The following PRKCA variants were observed in gnomAD, a reference collection of about 807,000 sequenced individuals.
PRKCA encodes protein kinase C alpha type.
PRKCA carries 27 observed loss-of-function variants against 87.0 expected under a neutral mutation model. The ratio of observed to expected loss-of-function variants is 0.31; its 90% CI spans 0.23 to 0.43. The LOEUF is 0.43. Ranked by LOEUF, PRKCA falls within the 20% of genes least tolerant of loss-of-function variation. The pLI, the probability that PRKCA is intolerant of heterozygous loss-of-function variation, is 1.00. For missense variants in PRKCA, 518 were observed against 852.3 expected (o/e 0.61, Z 4.88); for synonymous variants, 329 against 311.1 (o/e 1.06, Z -0.61).
chr17:66,668,659 TAAAG>T (rs1405551461), intron 5 of PRKCA, among the ~76,000 whole-genome samples: 2 of 151,892 alleles, frequency 1.3e-5, no homozygotes, highest in Non-Finnish European at 1.5e-5. Flanking sequence ...TGAGGACAAG[TAAAG>T]AAAGAAAACA....
At chr17:66,491,427 A>C (rs187160473) in intron 2 of PRKCA, among the ~76,000 whole-genome samples, 1 of 152,316 alleles carries the variant, frequency 6.6e-6, no homozygotes, top group Non-Finnish European at 1.5e-5. Context: ...ATCAGATGGA[A>C]TCTTCCATGA....
chr17:66,592,530 G>A (rs1328587721), intron 3 of PRKCA, among the ~76,000 whole-genome samples: 1 of 152,058 alleles, frequency 6.6e-6, no homozygotes, highest in East Asian at 1.9e-4. Context: ...GTTTTTCGCC[G>A]GTGCGTCCAA....
chr17:66,616,233 G>A (rs1970514040), intron 3 of PRKCA, among the ~76,000 whole-genome samples: 1 of 152,176 alleles, frequency 6.6e-6, no homozygotes, highest in South Asian at 2.1e-4. Context: ...CATGTCATGT[G>A]GAATTAGCTT....
intron 10 of PRKCA, among the ~76,000 whole-genome samples, chr17:66,737,120 A>G (rs1487930797): frequency 6.6e-6 from 1 of 151,932 alleles, no homozygotes; most frequent in Non-Finnish European, 1.5e-5. Flanking sequence ...TGGGAGGCCA[A>G]GGCGGGCAGA....
intron 3 of PRKCA, among the ~76,000 whole-genome samples, chr17:66,538,459 G>C (rs1967865932): frequency 6.6e-6 from 1 of 152,086 alleles, no homozygotes; most frequent in Non-Finnish European, 1.5e-5. Context: ...TGTTGCGTTT[G>C]TCACCAGGGA....
chr17:66,349,881 G>A (rs1249759129), intron 2 of PRKCA, among the ~76,000 whole-genome samples: 3 of 152,082 alleles, frequency 2.0e-5, no homozygotes, highest in African/African-American at 7.2e-5. Flanking sequence ...TGGAGCCATG[G>A]CTGCTGGAAT....
At chr17:66,778,242 G>A (rs62621677) in intron 14 of PRKCA, 29,602 of 978,884 alleles carry the variant, frequency 0.03, 536 homozygotes, top group Middle Eastern at 0.088. Context: ...GGCTGGGCCC[G>A]GTGGCTCACA....
At chr17:66,309,547 G>A (rs1167568657) in intron 2 of PRKCA, among the ~76,000 whole-genome samples, 2 of 152,162 alleles carry the variant, frequency 1.3e-5, no homozygotes, top group African/African-American at 4.8e-5. Flanking sequence ...TGCCTGAAAC[G>A]GTGAAACCAA....
chr17:66,475,178 C>T (rs1915486731), intron 2 of PRKCA, among the ~76,000 whole-genome samples: 1 of 152,028 alleles, frequency 6.6e-6, no homozygotes, highest in South Asian at 2.1e-4. Flanking sequence ...AAACTTATGC[C>T]AGAGAGAGGC....
At chr17:66,314,899 G>GTGTA (rs1555581575) in intron 2 of PRKCA, among the ~76,000 whole-genome samples, 3 of 143,388 alleles carry the variant, frequency 2.1e-5, no homozygotes, top group East Asian at 2.0e-4. Flanking sequence ...GTGTGTGTGT[G>GTGTA]TGTATGTATG....
intron 2 of PRKCA, among the ~76,000 whole-genome samples, chr17:66,334,330 C>T (rs1726853536): frequency 1.3e-5 from 2 of 152,252 alleles, no homozygotes; most frequent in African/African-American, 4.8e-5. Context: ...CAAGTCATCT[C>T]TGTTAATCTT....
chr17:66,648,635 A>G (rs1385391842), intron 5 of PRKCA, among the ~76,000 whole-genome samples: 1 of 152,222 alleles, frequency 6.6e-6, no homozygotes, highest in East Asian at 1.9e-4. Flanking sequence ...AGGCTCAAGG[A>G]AATAACTAAT....
chr17:66,747,724 A>G (rs975795362), intron 13 of PRKCA, among the ~76,000 whole-genome samples: 3 of 152,246 alleles, frequency 2.0e-5, no homozygotes, highest in Non-Finnish European at 4.4e-5. Flanking sequence ...ACTTATCTCA[A>G]CGTGAATCAG....
At chr17:66,497,059 G>A (rs963053210) in intron 3 of PRKCA, among the ~76,000 whole-genome samples, 1 of 152,208 alleles carries the variant, frequency 6.6e-6, no homozygotes, top group African/African-American at 2.4e-5. Flanking sequence ...TTCGGTGTAT[G>A]TTAAAAATGC....
intron 8 of PRKCA, among the ~76,000 whole-genome samples, chr17:66,728,978 A>T (rs964077503): frequency 2.0e-5 from 3 of 152,262 alleles, no homozygotes; most frequent in Non-Finnish European, 4.4e-5. Context: ...TTCAGATGTT[A>T]TTGTGAATCC....
At chr17:66,670,238 G>A (rs968579927) in intron 5 of PRKCA, among the ~76,000 whole-genome samples, 7 of 152,198 alleles carry the variant, frequency 4.6e-5, no homozygotes, top group African/African-American at 1.4e-4. Context: ...TAAAAGTTCA[G>A]GGATGGGAAG....
chr17:66,464,353 TC>T (rs1914993671), intron 2 of PRKCA, among the ~76,000 whole-genome samples: 1 of 152,204 alleles, frequency 6.6e-6, no homozygotes, highest in African/African-American at 2.4e-5. Flanking sequence ...GTGCAGGTTT[TC>T]ATACATTTTA....
At chr17:66,571,149 A>C (rs1044865622) in intron 3 of PRKCA, among the ~76,000 whole-genome samples, 1 of 152,248 alleles carries the variant, frequency 6.6e-6, no homozygotes, top group Non-Finnish European at 1.5e-5. Flanking sequence ...ACAAAAGCTC[A>C]GTGAGAAAGT....
In PRKCA at chr17:66,542,340, G is replaced by A. The variant is rs181830104; in HGVS notation, c.288+46057G>A. ...ACAGTGGTGCTACTTGGCCTTAAGA[G>A]CTTCCTGTGTGTGGTTGGGAGATAG... On this transcript the variant is annotated intron_variant, in intron 3 of 16. Transcript: ENST00000413366. Among the ~76,000 whole-genome samples, 685 of 152,254 alleles carry A rather than the reference G, an allele frequency of 4.5e-3. 7 individuals are homozygous for A. Among genetic ancestry groups the A allele is most frequent in the Non-Finnish European group, 7.4e-3 (502 of 68,020 alleles).
Sources: allele counts gnomAD v4.1 joint callset (sites outside exome capture counted in the v4.1 genomes callset), GRCh38; gene constraint gnomAD v4.1.1; transcripts MANE v1.5; gene names NCBI Gene and HGNC (gene_info 2026-07-23, HGNC 2026-07-21).